Variants in GLYR1 observed in about 807,000 individuals in gnomAD.
GLYR1 encodes cytokine-like nuclear factor N-PAC.
A neutral mutation model predicts 72.7 loss-of-function variants in GLYR1; 21 were observed. The observed-to-expected ratio is 0.29, with a 90% CI of 0.20 to 0.42. The LOEUF is 0.42. Ranked by LOEUF, GLYR1 falls within the 10% of genes least tolerant of loss-of-function variation. The pLI is 1.00. For missense variants in GLYR1, 594 were observed against 712.1 expected, an observed-to-expected ratio of 0.83 and a Z score of 1.89; for synonymous variants, 392 against 270.2, an observed-to-expected ratio of 1.45 and a Z score of -4.42.
chr16:4,823,657 C>T (rs1199757045), intron 6 of GLYR1, among the ~76,000 whole-genome samples, 164 bp downstream of exon 6: 1 of 151,476 alleles, frequency 6.6e-6, no homozygotes, highest in Non-Finnish European at 1.5e-5. Flanking sequence ...AGTGCTCACC[C>T]TAGAGGGAAA....
intron 1 of GLYR1, 100 bp downstream of exon 1, chr16:4,847,128 T>C (rs577785926): frequency 3.5e-6 from 4 of 1,126,864 alleles, no homozygotes; most frequent in Non-Finnish European, 5.2e-6. Context: ...CTCCGCGACC[T>C]GGAGCGCATA....
At chr16:4,824,017 T>C in intron 5 of GLYR1, 110 bp from the exon 6 acceptor site, 2 of 759,632 alleles carry the variant, frequency 2.6e-6, no homozygotes, top group South Asian at 1.7e-5. Context: ...ACCACTGTTC[T>C]GATGACCGTC....
intron 9 of GLYR1, 157 bp from the exon 10 acceptor site, chr16:4,817,854 G>A: frequency 3.2e-6 from 2 of 622,252 alleles, no homozygotes; most frequent in Non-Finnish European, 5.8e-6. Context: ...AGAGCCAGGG[G>A]CGTCATGCAC....
chr16:4,817,065 T>A (rs2083686063), intron 10 of GLYR1, among the ~76,000 whole-genome samples: 1 of 151,274 alleles, frequency 6.6e-6, no homozygotes, highest in Non-Finnish European at 1.5e-5. Flanking sequence ...TGCCTCAGCC[T>A]CCTGAGTAAC....
At chr16:4,823,241 C>G (rs2075467) in intron 6 of GLYR1, among the ~76,000 whole-genome samples, 1 of 152,022 alleles carries the variant, frequency 6.6e-6, no homozygotes, top group Non-Finnish European at 1.5e-5. Context: ...ATTCGGTACT[C>G]ATCAGGCACA....
intron 4 of GLYR1, chr16:4,832,448 A>G: frequency 1.6e-6 from 1 of 611,870 alleles, no homozygotes. Context: ...AAAGGATTTA[A>G]ATCTAGGCAG....
At chr16:4,843,400 C>G (rs111442270) in intron 3 of GLYR1, 10,806 of 1,039,830 alleles carry the variant, frequency 0.01, 77 homozygotes, top group Non-Finnish European at 0.012. Context: ...AGTGATCCAC[C>G]CACCTTGGCC....
chr16:4,815,851 A>G (rs2083603479), intron 10 of GLYR1, among the ~76,000 whole-genome samples: 1 of 151,802 alleles, frequency 6.6e-6, no homozygotes, highest in Non-Finnish European at 1.5e-5. Flanking sequence ...GCACGATCTC[A>G]GCTCACTGCA....
At chr16:4,819,825 T>C (rs1433234696) in intron 9 of GLYR1, among the ~76,000 whole-genome samples, 1 of 152,170 alleles carries the variant, frequency 6.6e-6, no homozygotes, top group East Asian at 1.9e-4. Context: ...ACCAACTTTC[T>C]CACCAAAATA....
At chr16:4,821,701 A>T (rs1271518411) in intron 7 of GLYR1, 104 bp from the exon 8 acceptor site, 1 of 1,058,804 alleles carries the variant, frequency 9.4e-7, no homozygotes, top group African/African-American at 1.6e-5. Flanking sequence ...GTTAACATCA[A>T]CTATTTGTTT....
chr16:4,837,710 G>A (rs1467851530), intron 3 of GLYR1, among the ~76,000 whole-genome samples: 1 of 151,902 alleles, frequency 6.6e-6, no homozygotes, highest in Non-Finnish European at 1.5e-5. Context: ...AGCACTTTGG[G>A]AGGCCGAGGT....
chr16:4,818,123 T>G (rs1434490539), intron 9 of GLYR1, among the ~76,000 whole-genome samples: 1 of 152,004 alleles, frequency 6.6e-6, no homozygotes, highest in African/African-American at 2.4e-5. Context: ...GCTTTCTGAG[T>G]AGCTGGGATT....
chr16:4,845,259 T>C, intron 2 of GLYR1, 106 bp from the exon 3 acceptor site: 2 of 721,394 alleles, frequency 2.8e-6, no homozygotes, highest in Non-Finnish European at 4.9e-6. Flanking sequence ...AAAAGTAAAT[T>C]AAAAGGACTT....
At chr16:4,817,882 C>T in intron 9 of GLYR1, 185 bp from the exon 10 acceptor site, 6 of 586,458 alleles carry the variant, frequency 1.0e-5, no homozygotes, top group South Asian at 7.9e-5. Flanking sequence ...TTCTCTTATG[C>T]CATGGTCTAA....
chr16:4,841,587 G>C (rs969049641), intron 3 of GLYR1, among the ~76,000 whole-genome samples: 1 of 151,116 alleles, frequency 6.6e-6, no homozygotes, highest in Non-Finnish European at 1.5e-5. Flanking sequence ...CAAGGATGCA[G>C]TAAGCCATGT....
chr16:4,817,590 AT>A lies in GLYR1; in HGVS notation c.906+7del, dbSNP rs773678173. 6.3e-7 allele frequency: 1 copy of A among 1,580,470 alleles called. No homozygotes were observed. Among genetic ancestry groups the A allele is most frequent in the Admixed American group, 1.7e-5 (1 of 59,960 alleles). ...CCGATCCAACAGGCACCACCCCTGA[AT>A]GCTTACTTTCTCTGCAGTGCGGTTC... is the stretch of plus-strand genomic sequence containing the variant. On this transcript the variant is annotated splice_region_variant and intron_variant, in intron 10 of 15. Coordinates refer to ENST00000321919, the MANE Select transcript of GLYR1 (RefSeq NM_032569.4).
chr16:4,821,186 G>T, intron 9 of GLYR1, 194 bp downstream of exon 9: 1 of 630,520 alleles, frequency 1.6e-6, no homozygotes, highest in Non-Finnish European at 2.8e-6. Flanking sequence ...TTATGCCCAA[G>T]GGAGACCCGA....
At chr16:4,840,564 T>A (rs189453038) in intron 3 of GLYR1, among the ~76,000 whole-genome samples, 2 of 152,194 alleles carry the variant, frequency 1.3e-5, no homozygotes, top group African/African-American at 4.8e-5. Flanking sequence ...CTCTCTCCCA[T>A]AGGGAGAGTC....
At chr16:4,821,680 C>G (rs2084035474) in intron 7 of GLYR1, 83 bp from the exon 8 acceptor site, 2 of 1,300,422 alleles carry the variant, frequency 1.5e-6, no homozygotes, top group African/African-American at 1.5e-5. Context: ...AGGTTAGACC[C>G]AAAGTGGGAA....
Sources: gnomAD v4.1 joint callset for allele counts (sites outside exome capture counted in the v4.1 genomes callset) on GRCh38, gnomAD v4.1.1 for gene constraint, MANE v1.5 for transcripts, NCBI Gene and HGNC (gene_info 2026-07-23, HGNC 2026-07-21) for gene names.